Variants in CADM2 observed in about 807,000 individuals in gnomAD.
CADM2 encodes immunoglobulin superfamily member 4D.
Under a neutral mutation model 49.8 loss-of-function variants are expected in CADM2, and 12 were observed. The ratio of observed to expected loss-of-function variants is 0.24; its 90% CI spans 0.15 to 0.39. CADM2 has a LOEUF of 0.39. Ranked by LOEUF, CADM2 falls within the 10% of genes least tolerant of loss-of-function variation. CADM2 has a pLI of 1.00. For synonymous variants in CADM2, 214 were observed against 175.4 expected, an observed-to-expected ratio of 1.22 and a Z score of -1.74; for missense variants, 378 against 492.3, an observed-to-expected ratio of 0.77 and a Z score of 2.20.
chr3:85,923,549 AC>A (rs1214743118), intron 6 of CADM2, among the ~76,000 whole-genome samples: 1 of 150,486 alleles, frequency 6.6e-6, no homozygotes, highest in South Asian at 2.1e-4. Flanking sequence ...AAAAAAAAAA[AC>A]AACAAAACAA....
chr3:85,787,037 T>C (rs545337265), intron 2 of CADM2, among the ~76,000 whole-genome samples: 1 of 152,204 alleles, frequency 6.6e-6, no homozygotes, highest in African/African-American at 2.4e-5. Flanking sequence ...TTAAATATAA[T>C]ATTTACACCC....
chr3:85,120,132 T>C (rs1467138511), intron 1 of CADM2, among the ~76,000 whole-genome samples: 1 of 152,230 alleles, frequency 6.6e-6, no homozygotes, highest in East Asian at 1.9e-4. Flanking sequence ...AAAACCACAA[T>C]GAGATATCAT....
chr3:85,897,647 T>C (rs1470075256), intron 5 of CADM2, among the ~76,000 whole-genome samples: 1 of 151,868 alleles, frequency 6.6e-6, no homozygotes, highest in Non-Finnish European at 1.5e-5. Context: ...CTTGTTTTAC[T>C]TTTTTTTGGA....
intron 1 of CADM2, among the ~76,000 whole-genome samples, chr3:85,693,819 C>A (rs1184920643): frequency 6.7e-6 from 1 of 148,766 alleles, no homozygotes; most frequent in Non-Finnish European, 1.5e-5. Context: ...TCACTTGAAC[C>A]CGGGAGGCAG....
Position 85,778,984 on chromosome 3 carries a change from A to G in CADM2, c.89-23063A>G, listed in dbSNP as rs142003510. 2.2e-4 allele frequency among the ~76,000 whole-genome samples: 34 copies of G among 152,342 alleles called. No homozygotes were observed. The East Asian group carries it at 5.0e-3, about 22-fold the overall frequency. On this transcript the variant is annotated intron_variant, in intron 2 of 9. Transcript: ENST00000383699. ...CATCCTGCCAAATGTAAGTGACAGC[A>G]TATGCTTTCTTTTAAGACAAGGAGA...
chr3:85,180,730 G>C (rs115023067), intron 1 of CADM2, among the ~76,000 whole-genome samples: 443 of 152,152 alleles, frequency 2.9e-3, no homozygotes, highest in African/African-American at 0.01. Context: ...TATAGGAATG[G>C]ATAAATGAAT....
chr3:85,543,838 G>A (rs6777458), intron 1 of CADM2, among the ~76,000 whole-genome samples: 77,378 of 151,424 alleles, frequency 0.51, 22,792 homozygotes, highest in East Asian at 0.85. Context: ...ATCATGAATT[G>A]AACATCTCCC....
At chr3:85,056,389 A>G (rs937286580) in intron 1 of CADM2, among the ~76,000 whole-genome samples, 1 of 152,060 alleles carries the variant, frequency 6.6e-6, no homozygotes, top group Non-Finnish European at 1.5e-5. Flanking sequence ...TAACAAGGGA[A>G]TGGGTTGAAT....
intron 3 of CADM2, among the ~76,000 whole-genome samples, chr3:85,826,886 A>G (rs1187116338): frequency 6.6e-6 from 1 of 152,056 alleles, no homozygotes; most frequent in Admixed American, 6.6e-5. Context: ...ACTTTTGAAG[A>G]AATATCACTG....
chr3:85,787,874 T>C (rs1389274890), intron 2 of CADM2, among the ~76,000 whole-genome samples: 1 of 152,136 alleles, frequency 6.6e-6, no homozygotes, highest in Non-Finnish European at 1.5e-5. Flanking sequence ...TTGTCTGTTG[T>C]GTGCCAGTCC....
chr3:85,787,853 C>A (rs1343786901), intron 2 of CADM2, among the ~76,000 whole-genome samples: 1 of 152,052 alleles, frequency 6.6e-6, no homozygotes, highest in African/African-American at 2.4e-5. Flanking sequence ...TCATCTTGGG[C>A]TATACCATTG....
chr3:85,533,494 G>A (rs992499382), intron 1 of CADM2, among the ~76,000 whole-genome samples: 16 of 152,178 alleles, frequency 1.1e-4, no homozygotes, highest in African/African-American at 3.6e-4. Context: ...AGATTTTATC[G>A]AAATTTAGGA....
At chr3:85,556,177 A>C (rs1389678814) in intron 1 of CADM2, among the ~76,000 whole-genome samples, 3 of 152,164 alleles carry the variant, frequency 2.0e-5, no homozygotes, top group Admixed American at 6.6e-5. Flanking sequence ...TATATACTGT[A>C]ATCTTATAAT....
chr3:85,337,919 A>G, intron 1 of CADM2, among the ~76,000 whole-genome samples: 1 of 151,818 alleles, frequency 6.6e-6, no homozygotes, highest in East Asian at 1.9e-4. Context: ...AATGATTTCC[A>G]TATTAGTATC....
At chr3:85,139,234 A>G (rs777324983) in intron 1 of CADM2, among the ~76,000 whole-genome samples, 2 of 152,212 alleles carry the variant, frequency 1.3e-5, no homozygotes, top group Non-Finnish European at 2.9e-5. Flanking sequence ...ATGCGTTTCA[A>G]TAATGTCAAT....
At chr3:85,910,801 A>G (rs940826656) in intron 5 of CADM2, among the ~76,000 whole-genome samples, 1 of 152,058 alleles carries the variant, frequency 6.6e-6, no homozygotes, top group Admixed American at 6.5e-5. Flanking sequence ...TTTCAAGAAC[A>G]AGACATATCA....
At position 85,609,088 on chromosome 3, in the gene CADM2, G is replaced by A. The variant is rs144476106; in HGVS notation, c.62-117434G>A. 6.6e-5 allele frequency among the ~76,000 whole-genome samples: 10 copies of A among 151,748 alleles called. No homozygotes were observed. In the East Asian group the frequency reaches 1.9e-3, roughly 30 times the overall value. On this transcript the variant is annotated intron_variant, in intron 1 of 9. Transcript: ENST00000383699. ...TGTTTTTTCAATAGCTGTTTCTCAGGTACTACTTTGCATCTCCACACTAGC... is the reference window on the plus strand; with the variant it reads ...TGTTTTTTCAATAGCTGTTTCTCAGATACTACTTTGCATCTCCACACTAGC...
intron 1 of CADM2, among the ~76,000 whole-genome samples, chr3:85,278,828 A>AAG (rs1345273054): frequency 6.6e-6 from 1 of 151,132 alleles, no homozygotes; most frequent in Non-Finnish European, 1.5e-5. Context: ...ATAAATATAA[A>AAG]AGATATACAT....
intron 1 of CADM2, among the ~76,000 whole-genome samples, chr3:85,288,626 G>A (rs978564443): frequency 1.3e-5 from 2 of 152,026 alleles, no homozygotes; most frequent in African/African-American, 2.4e-5. Context: ...AGGAAAATGG[G>A]AGTTGGCTCA....
Sources: gnomAD v4.1 joint callset for allele counts (sites outside exome capture counted in the v4.1 genomes callset) on GRCh38, gnomAD v4.1.1 for gene constraint, MANE v1.5 for transcripts, NCBI Gene and HGNC (gene_info 2026-07-23, HGNC 2026-07-21) for gene names.